CFAP54: variants seen among roughly 807,000 people sequenced by gnomAD.
CFAP54 encodes the protein cilia- and flagella-associated protein 54.
In CFAP54, 290 loss-of-function variants were observed where a neutral mutation model predicts 370.4. The ratio of observed to expected loss-of-function variants is 0.78; its 90% confidence interval spans 0.71 to 0.86. The LOEUF (loss-of-function observed/expected upper bound fraction) is 0.86. Ranked by LOEUF, CFAP54 falls within the 40% of genes least tolerant of loss-of-function variation. The probability of loss-of-function intolerance (pLI) is 0.00; values close to 1 mark genes in which losing one functional copy is unlikely to be tolerated. For synonymous variants in CFAP54, 1,206 were observed against 1,236.5 expected, an observed-to-expected ratio of 0.98 and a Z score of 0.52; for missense variants, 3,399 against 3,528.7, an observed-to-expected ratio of 0.96 and a Z score of 0.93.
intron 51 of CFAP54, among the ~76,000 whole-genome samples, chr12:96,741,694 C>T (rs1326077670): frequency 6.6e-6 from 1 of 152,196 alleles, no homozygotes; most frequent in Non-Finnish European, 1.5e-5. Flanking sequence ...TCCACTCCCC[C>T]AGAAATAGCT....
intron 39 of CFAP54, among the ~76,000 whole-genome samples, chr12:96,675,673 G>A (rs749874378): frequency 2.6e-5 from 4 of 152,126 alleles, no homozygotes; most frequent in Non-Finnish European, 5.9e-5. Context: ...CAATAGCAAA[G>A]ACTTGGAACC....
In CFAP54 at chr12:96,554,695, G is replaced by C. The variant is rs75218130; in HGVS notation, c.2303G>C (p.Gly768Ala). ...CCAAAGCGTACCCACCATATAGATG[G>C]AGATACTTACAAACCACTTGCCTCA... ...CYAKRTHHID[G>A]DTYKPLASNS... Residue 768 changes from glycine to alanine, a missense_variant, in exon 17 of 68, where the codon GGA becomes GCA. By Grantham distance (60) the Gly-to-Ala change is moderately conservative. Coordinates refer to ENST00000524981, the MANE Select transcript of CFAP54 (RefSeq NM_001306084.2). 1 of 1,533,412 alleles carries C rather than the reference G, an allele frequency of 6.5e-7. No homozygotes were observed. The allele number at this position is 1,533,412 out of a possible 1,614,324, so 95.0% of individuals were successfully genotyped here.
At chr12:96,718,565 A>C (rs1328145831) in intron 49 of CFAP54, 43 bp downstream of exon 49, 2 of 1,241,134 alleles carry the variant, frequency 1.6e-6, no homozygotes, top group Non-Finnish European at 2.3e-6. Flanking sequence ...TAGTTACCAA[A>C]AATCCACTAT....
chr12:96,757,962 G>T (rs1958283177), intron 58 of CFAP54, among the ~76,000 whole-genome samples: 1 of 152,170 alleles, frequency 6.6e-6, no homozygotes, highest in Non-Finnish European at 1.5e-5. Context: ...TGGTTAAACA[G>T]ATGGACAAGT....
chr12:96,791,184 C>CTTTTTT (rs369132463), intron 62 of CFAP54, among the ~76,000 whole-genome samples: 102 of 131,426 alleles, frequency 7.8e-4, no homozygotes, highest in East Asian at 4.2e-3. Flanking sequence ...TTGAAGAACG[C>CTTTTTT]TTTTTTTTTT....
chr12:96,804,109 T>G (rs997341728), intron 63 of CFAP54, among the ~76,000 whole-genome samples: 1 of 152,136 alleles, frequency 6.6e-6, no homozygotes, highest in African/African-American at 2.4e-5. Flanking sequence ...TTGAAAGCTT[T>G]AGTGACACAC....
At chr12:96,750,832 A>G (rs1958173895) in intron 55 of CFAP54, among the ~76,000 whole-genome samples, 1 of 152,246 alleles carries the variant, frequency 6.6e-6, no homozygotes, top group African/African-American at 2.4e-5. Flanking sequence ...AGACTTAAAA[A>G]ACAAAACCCA....
At chr12:96,797,285 G>A (rs186669073) in intron 63 of CFAP54, among the ~76,000 whole-genome samples, 17 of 152,086 alleles carry the variant, frequency 1.1e-4, no homozygotes, top group African/African-American at 3.9e-4. Context: ...CTCTTTAAGA[G>A]AATATGTACT....
At chr12:96,572,776 A>C in intron 19 of CFAP54, 1 of 761,268 alleles carries the variant, frequency 1.3e-6, no homozygotes, top group Non-Finnish European at 1.6e-6. Context: ...GGAGATTTCT[A>C]TTTTGGGGTA....
intron 66 of CFAP54, among the ~76,000 whole-genome samples, chr12:96,832,975 T>C (rs1381802547): frequency 6.6e-6 from 1 of 152,218 alleles, no homozygotes; most frequent in African/African-American, 2.4e-5. Flanking sequence ...GATCTTGCTG[T>C]GCAATTTGGT....
rs193191807 is a variant in CFAP54 at position 96,857,926 on chromosome 12, C to T, written c.9172-2893C>T. On this transcript the variant is annotated intron_variant, in intron 66 of 67. Transcript: ENST00000524981. ...CTGTATGAAAACGGATCAATATACA[C>T]GTCTTTGCTATTGTGAATAGTGTTG... 3.3e-5 allele frequency among the ~76,000 whole-genome samples: 5 copies of T among 152,218 alleles called. 1 individual carries two copies. The highest frequency in any genetic ancestry group is 3.3e-4 in the Admixed American group (5 of 15,278).
At position 96,639,764 on chromosome 12, in the gene CFAP54, G is replaced by A. The variant is rs1217914812; in HGVS notation, c.4317-4414G>A. Among the ~76,000 whole-genome samples, 3 of 152,262 alleles carry A rather than the reference G, an allele frequency of 2.0e-5. No individual in the cohort carries two copies. The South Asian group carries it at 6.2e-4, about 32-fold the overall frequency. ...GTGGGCTTCATCCCTGGGATGCAAG[G>A]CTGGTTCAACATATGCAAATCAATA... On this transcript the variant is annotated intron_variant, in intron 32 of 67. Coordinates refer to ENST00000524981, the MANE Select transcript of CFAP54 (RefSeq NM_001306084.2).
rs1411223360 is a variant in CFAP54, at chr12:96,826,665, TA to T, written c.9097-2346del. Among the ~76,000 whole-genome samples the T allele has an allele frequency of 3.7e-5, 4 of 108,702 alleles. No homozygotes were observed. In the East Asian group the frequency reaches 1.0e-3, roughly 28 times the overall value. The allele number at this position is 108,702 out of a possible 152,430, so 71.3% of individuals were successfully genotyped here. On this transcript the variant is annotated intron_variant, in intron 65 of 67. Transcript: ENST00000524981. ...TAGTATATATTAAATATATTATATA[TA>T]AATATATAATATATAATATATTACA...
At chr12:96,681,426 G>A (rs971588936) in intron 40 of CFAP54, among the ~76,000 whole-genome samples, 3 of 149,116 alleles carry the variant, frequency 2.0e-5, no homozygotes, top group Admixed American at 6.7e-5. Flanking sequence ...TTCTATCCCA[G>A]AGGTTTCTGG....
At chr12:96,812,236 G>A (rs1395227278) in intron 64 of CFAP54, among the ~76,000 whole-genome samples, 2 of 152,164 alleles carry the variant, frequency 1.3e-5, no homozygotes, top group African/African-American at 4.8e-5. Flanking sequence ...TAGTTTCAGC[G>A]TGGTTAAAAA....
intron 63 of CFAP54, 98 bp from the exon 64 acceptor site, chr12:96,811,638 A>C (rs1346331136): frequency 7.1e-5 from 44 of 623,456 alleles, no homozygotes; most frequent in Non-Finnish European, 1.1e-4. Context: ...AATACTTTTC[A>C]AAGTACAGTG....
chr12:96,699,570 G>C (rs186676346), intron 45 of CFAP54, among the ~76,000 whole-genome samples: 4 of 152,220 alleles, frequency 2.6e-5, no homozygotes, highest in Admixed American at 1.3e-4. Context: ...GACTTGCCTC[G>C]TTGGGCTGGA....
At chr12:96,632,516 AT>A (rs1358906094) in intron 32 of CFAP54, among the ~76,000 whole-genome samples, 1 of 151,836 alleles carries the variant, frequency 6.6e-6, no homozygotes, top group Non-Finnish European at 1.5e-5. Flanking sequence ...AATCTATTCT[AT>A]TGTCACTGTT....
At chr12:96,856,742 T>C (rs142768544) in intron 66 of CFAP54, among the ~76,000 whole-genome samples, 7 of 152,292 alleles carry the variant, frequency 4.6e-5, no homozygotes, top group African/African-American at 1.7e-4. Flanking sequence ...AGTTCCTAAC[T>C]TTTCCATATT....
Sources: gnomAD v4.1 joint callset for allele counts (sites outside exome capture counted in the v4.1 genomes callset) on GRCh38, gnomAD v4.1.1 for gene constraint, MANE v1.5 for transcripts, NCBI Gene and HGNC (gene_info 2026-07-23, HGNC 2026-07-21) for gene names.